Variants in CEP112 observed in about 807,000 individuals in gnomAD.
CEP112 encodes centrosomal protein of 112 kDa.
CEP112 carries 127 observed loss-of-function variants against 153.0 expected under a neutral mutation model. The ratio of observed to expected loss-of-function variants is 0.83; its 90% CI spans 0.72 to 0.96. The LOEUF is 0.96. CEP112 is among the 40% of genes least tolerant of loss of function. The pLI, the probability that CEP112 is intolerant of heterozygous loss-of-function variation, is 0.00. For synonymous variants in CEP112, 358 were observed against 374.4 expected, an observed-to-expected ratio of 0.96 and a Z score of 0.51; for missense variants, 1,089 against 1,101.2, an observed-to-expected ratio of 0.99 and a Z score of 0.16.
intron 20 of CEP112, among the ~76,000 whole-genome samples, chr17:65,887,226 G>C (rs1312390264): frequency 6.6e-6 from 1 of 152,152 alleles, no homozygotes; most frequent in Non-Finnish European, 1.5e-5. Flanking sequence ...TTGCACTTCA[G>C]AGCTGCATAG....
chr17:65,647,237 G>A (rs1026388914), intron 24 of CEP112, among the ~76,000 whole-genome samples: 3 of 146,314 alleles, frequency 2.1e-5, no homozygotes, highest in African/African-American at 7.6e-5. Context: ...GCAATGGCGC[G>A]ATCTCGGCTC....
rs550237376 is a variant in CEP112 at position 66,077,875 on chromosome 17, G to C, written c.769-7874C>G. On this transcript the variant is annotated intron_variant, in intron 8 of 26. Transcript: ENST00000535342. ...TGACTGTTCCTTTTACCGTGCAAAA[G>C]CTCTTTAGTTTAATTAAGTCCCAAC... Among the ~76,000 whole-genome samples the C allele has an allele frequency of 4.1e-4, 62 of 152,338 alleles. 1 individual carries two copies. In the South Asian group the frequency reaches 0.013, roughly 31 times the overall value.
chr17:65,756,811 G>A (rs1021138903), intron 21 of CEP112, among the ~76,000 whole-genome samples: 20 of 152,286 alleles, frequency 1.3e-4, no homozygotes, highest in African/African-American at 4.8e-4. Flanking sequence ...TAGCAGTAGA[G>A]AGGGAGGAAA....
rs575272934 is a variant in CEP112, at chr17:66,052,784, T to A, written c.1218+952A>T. 8.1e-4 allele frequency among the ~76,000 whole-genome samples: 122 copies of A among 151,478 alleles called. 1 individual carries two copies. The highest frequency in any genetic ancestry group is 2.8e-3 in the African/African-American group (115 of 41,296). On this transcript the variant is annotated intron_variant, in intron 12 of 26. Coordinates refer to ENST00000535342, the MANE Select transcript of CEP112 (RefSeq NM_001199165.4). ...CAGAAAAACAATCAAGTCTTCCATTTAAAAAAAAATGAAACAAACAAAAAA... is the reference window on the plus strand; with the variant it reads ...CAGAAAAACAATCAAGTCTTCCATTAAAAAAAAAATGAAACAAACAAAAAA...
intron 21 of CEP112, among the ~76,000 whole-genome samples, chr17:65,788,971 C>T (rs1470669787): frequency 1.3e-5 from 2 of 152,124 alleles, no homozygotes. Flanking sequence ...TTCCATCTGC[C>T]CTTTCCTTAC....
intron 2 of CEP112, 152 bp from the exon 3 acceptor site, chr17:66,177,172 A>G: frequency 1.7e-6 from 1 of 576,516 alleles, no homozygotes; most frequent in Non-Finnish European, 2.9e-6. Context: ...TAGGCTTCAC[A>G]GGCCATATGA....
At chr17:65,888,239 T>A (rs1381263409) in intron 20 of CEP112, among the ~76,000 whole-genome samples, 1 of 152,194 alleles carries the variant, frequency 6.6e-6, no homozygotes, top group Non-Finnish European at 1.5e-5. Context: ...GTTGTTCAGA[T>A]CTTCCCTTTG....
At chr17:65,965,785 T>A (rs111478894) in intron 17 of CEP112, among the ~76,000 whole-genome samples, 19 of 152,254 alleles carry the variant, frequency 1.2e-4, no homozygotes, top group African/African-American at 4.3e-4. Flanking sequence ...CCTAAAGAGC[T>A]GGGATTACAG....
rs148564646 is a variant in CEP112, at chr17:65,751,072, G to C, written c.2395-348C>G. 298 of 202,724 alleles carry C rather than the reference G, an allele frequency of 1.5e-3. 1 individual carries two copies. The highest frequency in any genetic ancestry group is 6.4e-3 in the African/African-American group (276 of 43,352). 12.6% of individuals were successfully genotyped at this position (202,724 alleles called of 1,614,324 possible). On this transcript the variant is annotated intron_variant, in intron 21 of 26. Coordinates refer to ENST00000535342, the MANE Select transcript of CEP112 (RefSeq NM_001199165.4). Reference sequence around the variant, plus strand: ...CAAGAGGGGCAAGGAAAAGGGAGAGGGAAGTGAAGGAAGAAGAAAGGAAGG... The same window carrying C: ...CAAGAGGGGCAAGGAAAAGGGAGAGCGAAGTGAAGGAAGAAGAAAGGAAGG...
intron 17 of CEP112, among the ~76,000 whole-genome samples, chr17:65,967,507 C>G (rs1159714682): frequency 5.3e-5 from 8 of 151,940 alleles, no homozygotes; most frequent in Non-Finnish European, 8.8e-5. Context: ...TCCTATCTTG[C>G]AAAAACTATA....
intron 20 of CEP112, among the ~76,000 whole-genome samples, chr17:65,874,469 T>C (rs1388954504): frequency 6.6e-6 from 1 of 152,118 alleles, no homozygotes; most frequent in East Asian, 1.9e-4. Context: ...AGCTAACATG[T>C]CAATACAAAA....
At chr17:66,034,720 T>C (rs2065636916) in intron 12 of CEP112, among the ~76,000 whole-genome samples, 1 of 151,940 alleles carries the variant, frequency 6.6e-6, no homozygotes, top group African/African-American at 2.4e-5. Context: ...ATGATAGACA[T>C]TGAAGCAATA....
rs76649446 is a variant in CEP112 at position 65,852,816 on chromosome 17, T to C, written c.2164-782A>G. Among the ~76,000 whole-genome samples, 479 of 152,142 alleles carry C rather than the reference T, an allele frequency of 3.1e-3. 3 individuals carry two copies. Among genetic ancestry groups the C allele is most frequent in the African/African-American group, 0.011 (455 of 41,558 alleles). ...CTTTCCTAAGGTTTATTTTGTATTC[T>C]TTCTTCTAACTTCTTATTTTGGATA... On this transcript the variant is annotated intron_variant, in intron 20 of 26. Coordinates refer to ENST00000535342, the MANE Select transcript of CEP112 (RefSeq NM_001199165.4).
At chr17:65,950,547 A>G (rs2061788649) in intron 18 of CEP112, among the ~76,000 whole-genome samples, 1 of 152,062 alleles carries the variant, frequency 6.6e-6, no homozygotes, top group African/African-American at 2.4e-5. Flanking sequence ...CTAGTATATA[A>G]AAGTGTGATT....
intron 4 of CEP112, among the ~76,000 whole-genome samples, chr17:66,163,616 G>A (rs1029880334): frequency 6.6e-6 from 1 of 151,722 alleles, no homozygotes; most frequent in African/African-American, 2.4e-5. Context: ...CTAGAAAAAG[G>A]TGAGCACAGA....
At chr17:65,872,630 C>CA (rs755815996) in intron 20 of CEP112, among the ~76,000 whole-genome samples, 1 of 152,008 alleles carries the variant, frequency 6.6e-6, no homozygotes, top group Non-Finnish European at 1.5e-5. Flanking sequence ...AAACCATGGA[C>CA]ACCAATAGAT....
chr17:65,971,589 ATGCATGCATATTGTG>A lies in CEP112; in HGVS notation c.1737-10006_1737-9992del, dbSNP rs1171449782. 1.3e-5 allele frequency among the ~76,000 whole-genome samples: 2 copies of A among 150,768 alleles called. 1 individual carries two copies. Among genetic ancestry groups the A allele is most frequent in the East Asian group, 3.9e-4 (2 of 5,184 alleles). ...TGTATGTATATGGCATGTATATTAC[ATGCATGCATATTGTG>A]TGCATATTATATGTATATCCCATGC... On this transcript the variant is annotated intron_variant, in intron 17 of 26. Coordinates refer to ENST00000535342, the MANE Select transcript of CEP112 (RefSeq NM_001199165.4).
chr17:65,855,179 G>A (rs1401473353), intron 20 of CEP112, among the ~76,000 whole-genome samples: 2 of 152,118 alleles, frequency 1.3e-5, no homozygotes, highest in Non-Finnish European at 2.9e-5. Context: ...ATAGAAAACC[G>A]CTGTAAGAAG....
intron 17 of CEP112, among the ~76,000 whole-genome samples, chr17:65,962,798 G>A (rs1034083737): frequency 6.6e-6 from 1 of 152,042 alleles, no homozygotes; most frequent in African/African-American, 2.4e-5. Context: ...TTTGCCTGCC[G>A]CCATCCATGT....
Sources: gnomAD v4.1 joint callset for allele counts (sites outside exome capture counted in the v4.1 genomes callset) on GRCh38, gnomAD v4.1.1 for gene constraint, MANE v1.5 for transcripts, NCBI Gene and HGNC (gene_info 2026-07-23, HGNC 2026-07-21) for gene names.